AGMO: variants seen among roughly 807,000 people sequenced by gnomAD.
AGMO encodes the protein alkylglycerol monooxygenase.
Under a neutral mutation model 60.2 loss-of-function variants are expected in AGMO, and 75 were observed. The observed-to-expected ratio is 1.25, with a 90% CI of 1.03 to 1.51. The LOEUF (loss-of-function observed/expected upper bound fraction) is 1.51, where lower values mean the gene tolerates loss of function less well. Ranked by LOEUF, AGMO falls within the 40% of genes most tolerant of loss-of-function variation. The pLI, the probability that AGMO is intolerant of heterozygous loss-of-function variation, is 0.00. For synonymous variants in AGMO, 261 were observed against 177.1 expected (o/e 1.47, Z -3.76); for missense variants, 763 against 525.5 (o/e 1.45, Z -4.42).
intron 12 of AGMO, among the ~76,000 whole-genome samples, chr7:15,329,355 C>T (rs1373623979): frequency 6.6e-6 from 1 of 152,130 alleles, no homozygotes; most frequent in Non-Finnish European, 1.5e-5. Context: ...AATCCAGGCA[C>T]ATAGGTGATG....
At chr7:15,251,080 T>C (rs932685756) in intron 12 of AGMO, among the ~76,000 whole-genome samples, 96 of 152,242 alleles carry the variant, frequency 6.3e-4, no homozygotes, top group African/African-American at 1.9e-3. Flanking sequence ...AATATATTAA[T>C]ATAATATTTG....
intron 3 of AGMO, among the ~76,000 whole-genome samples, chr7:15,498,702 C>T (rs891612970): frequency 3.3e-5 from 5 of 151,956 alleles, no homozygotes; most frequent in East Asian, 1.9e-4. Flanking sequence ...TTAGAAAATG[C>T]GTTTTGATTT....
chr7:15,235,633 G>C (rs776318456), intron 12 of AGMO, among the ~76,000 whole-genome samples: 6 of 152,084 alleles, frequency 3.9e-5, no homozygotes, highest in Non-Finnish European at 7.4e-5. Context: ...ATTAACTACT[G>C]TTTCAGAAAA....
chr7:15,452,277 C>T (rs996353628), intron 3 of AGMO, among the ~76,000 whole-genome samples: 2 of 151,540 alleles, frequency 1.3e-5, no homozygotes, highest in Admixed American at 1.3e-4. Context: ...TTAAATAATA[C>T]TATCAAAAAA....
chr7:15,147,700 C>A, the AGMO span, among the ~76,000 whole-genome samples: 1 of 152,058 alleles, frequency 6.6e-6, no homozygotes, highest in Admixed American at 6.6e-5. Context: ...TTTTGGGTGG[C>A]TGTGTGACTA....
chr7:15,240,844 C>A (rs1357814176), intron 12 of AGMO, among the ~76,000 whole-genome samples: 1 of 151,870 alleles, frequency 6.6e-6, no homozygotes, highest in African/African-American at 2.4e-5. Context: ...TTATTTAATT[C>A]TTATAACATC....
chr7:15,432,507 A>G (rs1161921534), intron 3 of AGMO, among the ~76,000 whole-genome samples: 2 of 151,476 alleles, frequency 1.3e-5, no homozygotes, highest in African/African-American at 4.8e-5. Context: ...GCTCATAGAT[A>G]TAAGAAGGAC....
At chr7:15,495,919 A>G (rs908116392) in intron 3 of AGMO, among the ~76,000 whole-genome samples, 1 of 151,374 alleles carries the variant, frequency 6.6e-6, no homozygotes, top group Non-Finnish European at 1.5e-5. Context: ...TTCTTCTTAT[A>G]AGGGCACAAA....
At chr7:15,467,751 C>T (rs1782332714) in intron 3 of AGMO, among the ~76,000 whole-genome samples, 1 of 152,082 alleles carries the variant, frequency 6.6e-6, no homozygotes, top group South Asian at 2.1e-4. Flanking sequence ...TTAAATAAAT[C>T]TACATTTGAA....
chr7:15,156,135 T>C, the AGMO span, among the ~76,000 whole-genome samples: 3 of 152,160 alleles, frequency 2.0e-5, no homozygotes, highest in Non-Finnish European at 2.9e-5. Flanking sequence ...AGGGAGTCCA[T>C]GTGTGCATGC....
rs879496227 is a variant in AGMO at position 15,361,277 on chromosome 7, G to GA, written c.1263+4236dup. ...AAACTCTGAACATGTGAACTTAGTT[G>GA]AAAAAAAAAAAAAGATCTTTGGGAG... On this transcript the variant is annotated intron_variant, in intron 12 of 12. Transcript: ENST00000342526. Among the ~76,000 whole-genome samples, 769 of 137,852 alleles carry GA rather than the reference G, an allele frequency of 5.6e-3. 2 individuals are homozygous for GA. Among genetic ancestry groups the GA allele is most frequent in the African/African-American group, 0.015 (566 of 37,650 alleles). 90.4% of individuals were successfully genotyped at this position (137,852 alleles called of 152,430 possible).
intron 12 of AGMO, among the ~76,000 whole-genome samples, chr7:15,249,302 G>C (rs929300991): frequency 7.2e-5 from 11 of 152,142 alleles, no homozygotes; most frequent in Non-Finnish European, 1.6e-4. Context: ...AGAAGTAGCT[G>C]ACAGAATATA....
At chr7:15,365,383 A>G (rs1035932536) in intron 12 of AGMO, 131 bp downstream of exon 12, 8 of 336,030 alleles carry the variant, frequency 2.4e-5, no homozygotes, top group Admixed American at 4.8e-5. Flanking sequence ...TGGTAAGTAA[A>G]AAAAAAAAAA....
At chr7:15,270,130 T>A (rs865807572) in intron 12 of AGMO, among the ~76,000 whole-genome samples, 1 of 152,112 alleles carries the variant, frequency 6.6e-6, no homozygotes, top group East Asian at 1.9e-4. Context: ...GATACCCCCA[T>A]GGTGGGATTG....
At chr7:15,360,535 A>G (rs1782708680) in intron 12 of AGMO, among the ~76,000 whole-genome samples, 1 of 152,222 alleles carries the variant, frequency 6.6e-6, no homozygotes, top group Admixed American at 6.5e-5. Flanking sequence ...GAAGTAGGTC[A>G]TCATAAAGGT....
chr7:15,560,168 G>T lies in AGMO; in HGVS notation c.230C>A (p.Ser77Ter). 6.2e-7 allele frequency: 1 copy of T among 1,612,808 alleles called. No individual in the cohort carries two copies. Among genetic ancestry groups the T allele is most frequent in the Non-Finnish European group, 8.5e-7 (1 of 1,179,098 alleles). Residue 77 changes from serine (S) to a stop codon, truncating the protein, a stop_gained, in exon 2 of 13, where the codon TCA becomes TAA. Coordinates refer to ENST00000342526, the MANE Select transcript of AGMO (RefSeq NM_001004320.2). LOFTEE classifies it high-confidence loss of function. ...TGGAAGTCGAGACAGAACACCAGCT[G>T]AGATTGACGTTAAAGCATCATCCAG... The part of the protein sequence containing the change: ...GRLDDALTSI[S>*]AGVLSRLPSL...
At chr7:15,398,153 G>A (rs1443904189) in intron 5 of AGMO, among the ~76,000 whole-genome samples, 3 of 152,156 alleles carry the variant, frequency 2.0e-5, no homozygotes, top group Non-Finnish European at 4.4e-5. Context: ...GGACTACACT[G>A]ACCAGCTTCT....
chr7:15,383,959 T>G (rs953705116), intron 10 of AGMO, among the ~76,000 whole-genome samples: 9 of 152,008 alleles, frequency 5.9e-5, no homozygotes, highest in South Asian at 2.1e-4. Context: ...TGTTTGAGAC[T>G]GAGTCTCGCT....
chr7:15,430,632 A>T (rs1191778379), intron 4 of AGMO, among the ~76,000 whole-genome samples: 1,745 of 103,418 alleles, frequency 0.017, 13 homozygotes, highest in African/African-American at 0.033. Context: ...GTTTTTTTTA[A>T]AAAAAAAAAA....
Sources: allele counts gnomAD v4.1 joint callset (sites outside exome capture counted in the v4.1 genomes callset), GRCh38; gene constraint gnomAD v4.1.1; transcripts MANE v1.5; gene names NCBI Gene and HGNC (gene_info 2026-07-23, HGNC 2026-07-21).